Variants in MYO9A observed in about 807,000 individuals in gnomAD.
The protein encoded by MYO9A is unconventional myosin-IXa.
In MYO9A, 103 loss-of-function variants were observed where a neutral mutation model predicts 293.3. The observed-to-expected ratio is 0.35, with a 90% CI of 0.30 to 0.41. MYO9A has a LOEUF of 0.41. MYO9A is among the 10% of genes least tolerant of loss of function. The pLI, the probability that MYO9A is intolerant of heterozygous loss-of-function variation, is 1.00. For synonymous variants in MYO9A, 1,001 were observed against 1,035.7 expected, an observed-to-expected ratio of 0.97 and a Z score of 0.64; for missense variants, 2,685 against 3,033.0, an observed-to-expected ratio of 0.89 and a Z score of 2.69.
intron 18 of MYO9A, among the ~76,000 whole-genome samples, chr15:71,923,018 G>A (rs1300348514): frequency 1.3e-5 from 2 of 152,116 alleles, no homozygotes; most frequent in Non-Finnish European, 2.9e-5. Context: ...CTGTCTGTGA[G>A]TCTGTCATGT....
chr15:71,877,877 T>A (rs1426734094), intron 31 of MYO9A, among the ~76,000 whole-genome samples, 163 bp downstream of exon 31: 1 of 152,212 alleles, frequency 6.6e-6, no homozygotes, highest in Admixed American at 6.5e-5. Flanking sequence ...TAAGACAGAA[T>A]GAAGTTTGGA....
At chr15:72,079,411 A>G (rs771104407) in intron 1 of MYO9A, among the ~76,000 whole-genome samples, 24 of 152,180 alleles carry the variant, frequency 1.6e-4, no homozygotes, top group Non-Finnish European at 3.4e-4. Flanking sequence ...ATTTTATTGT[A>G]AATTAAAACT....
intron 18 of MYO9A, among the ~76,000 whole-genome samples, chr15:71,918,339 T>C (rs2058066531): frequency 6.6e-6 from 1 of 152,168 alleles, no homozygotes; most frequent in Non-Finnish European, 1.5e-5. Flanking sequence ...TATAACAATA[T>C]ACTTCAAAAA....
intron 39 of MYO9A, among the ~76,000 whole-genome samples, chr15:71,848,319 C>T (rs2055480852): frequency 6.6e-6 from 1 of 151,972 alleles, no homozygotes. Flanking sequence ...ATCGGTTTTA[C>T]AAGGACTGTC....
At chr15:71,997,280 C>A (rs906517003) in intron 9 of MYO9A, among the ~76,000 whole-genome samples, 1 of 151,996 alleles carries the variant, frequency 6.6e-6, no homozygotes, top group African/African-American at 2.4e-5. Context: ...CATTTCTCGG[C>A]ACAAAAATAG....
intron 2 of MYO9A, chr15:72,041,431 G>C (rs1318349850): frequency 1.4e-5 from 5 of 346,084 alleles, no homozygotes; most frequent in African/African-American, 2.2e-5. Context: ...TGAACAGAAG[G>C]ACAAATATCT....
chr15:71,836,203 G>A (rs571290223), intron 39 of MYO9A, among the ~76,000 whole-genome samples: 2 of 152,138 alleles, frequency 1.3e-5, no homozygotes, highest in Admixed American at 1.3e-4. Flanking sequence ...AATCCAATTA[G>A]AAAAACAGGC....
chr15:71,922,135 G>A (rs781595438), intron 18 of MYO9A, among the ~76,000 whole-genome samples: 1 of 151,990 alleles, frequency 6.6e-6, no homozygotes, highest in East Asian at 1.9e-4. Context: ...GTGCCACCAC[G>A]CCCAGCTAAT....
chr15:72,032,441 A>G, intron 3 of MYO9A, 53 bp downstream of exon 3: 2 of 1,191,484 alleles, frequency 1.7e-6, no homozygotes, highest in South Asian at 3.2e-5. Flanking sequence ...AAGGGTAAAG[A>G]CAAAAATTAA....
chr15:71,932,167 C>T (rs2058493904), intron 18 of MYO9A, among the ~76,000 whole-genome samples: 1 of 152,128 alleles, frequency 6.6e-6, no homozygotes, highest in Non-Finnish European at 1.5e-5. Context: ...CTTCTATCCT[C>T]GTGGTGAAGC....
At chr15:71,997,090 A>T (rs1030102013) in intron 9 of MYO9A, among the ~76,000 whole-genome samples, 1 of 152,156 alleles carries the variant, frequency 6.6e-6, no homozygotes, top group Non-Finnish European at 1.5e-5. Context: ...ACATAGCTGT[A>T]AAAAACTAAT....
chr15:72,010,260 A>C (rs1049743874), intron 7 of MYO9A, 90 bp downstream of exon 7: 2 of 1,018,686 alleles, frequency 2.0e-6, no homozygotes, highest in Non-Finnish European at 3.0e-6. Context: ...CCACTTAGAA[A>C]ACTATTTAAA....
At chr15:71,839,475 C>T (rs1418065519) in intron 39 of MYO9A, among the ~76,000 whole-genome samples, 3 of 152,100 alleles carry the variant, frequency 2.0e-5, no homozygotes, top group African/African-American at 2.4e-5. Context: ...GTGGCACAAT[C>T]ATAGCTCACT....
intron 1 of MYO9A, among the ~76,000 whole-genome samples, chr15:72,109,679 A>C (rs2080707032): frequency 1.3e-5 from 2 of 152,120 alleles, no homozygotes; most frequent in Non-Finnish European, 2.9e-5. Flanking sequence ...GCTTGAGGTC[A>C]GCAGTTTGAG....
At chr15:71,895,412 A>G (rs1207255201) in intron 25 of MYO9A, among the ~76,000 whole-genome samples, 1 of 152,228 alleles carries the variant, frequency 6.6e-6, no homozygotes, top group African/African-American at 2.4e-5. Context: ...CCACTACAGT[A>G]CAAAAGGGAC....
intron 14 of MYO9A, among the ~76,000 whole-genome samples, chr15:71,954,781 TC>T: frequency 6.6e-6 from 1 of 152,298 alleles, no homozygotes; most frequent in Non-Finnish European, 1.5e-5. Flanking sequence ...ACAGAAAAGT[TC>T]CATAACTTTG....
chr15:72,100,148 C>T (rs1297819786), intron 1 of MYO9A, among the ~76,000 whole-genome samples: 1 of 151,668 alleles, frequency 6.6e-6, no homozygotes, highest in Non-Finnish European at 1.5e-5. Context: ...TTTGGGGTGC[C>T]GAGGCGGGCG....
chr15:72,019,384 C>G (rs2077434878), intron 5 of MYO9A, among the ~76,000 whole-genome samples: 1 of 152,048 alleles, frequency 6.6e-6, no homozygotes, highest in Non-Finnish European at 1.5e-5. Flanking sequence ...TCATTAATTA[C>G]AAAAAGATCT....
intron 8 of MYO9A, 36 bp downstream of exon 8, chr15:72,007,790 A>G: frequency 6.3e-7 from 1 of 1,588,664 alleles, no homozygotes; most frequent in Non-Finnish European, 8.5e-7. Flanking sequence ...AAAGTTACAA[A>G]GATTTGAAAT....
Sources: gnomAD v4.1 joint callset for allele counts (sites outside exome capture counted in the v4.1 genomes callset) on GRCh38, gnomAD v4.1.1 for gene constraint, MANE v1.5 for transcripts, NCBI Gene and HGNC (gene_info 2026-07-23, HGNC 2026-07-21) for gene names.